Variants in CXCL12 observed in about 807,000 individuals in gnomAD.
The protein encoded by CXCL12 is C-X-C motif chemokine ligand 12, also known as stromal cell-derived factor 1.
In CXCL12, 4 loss-of-function variants were observed where a neutral mutation model predicts 10.7. The observed-to-expected ratio is 0.37, with a 90% CI of 0.18 to 0.86. The LOEUF is 0.86. CXCL12 is among the 40% of genes least tolerant of loss of function. CXCL12 has a pLI of 0.43. For synonymous variants in CXCL12, 54 were observed against 45.4 expected, an observed-to-expected ratio of 1.19 and a Z score of -0.77; for missense variants, 122 against 110.4, an observed-to-expected ratio of 1.10 and a Z score of -0.47.
chr10:44,378,608 G>C lies in CXCL12; in HGVS notation c.*25C>G. 6.2e-7 allele frequency: 1 copy of C among 1,613,914 alleles called. No homozygotes were observed. Among genetic ancestry groups the C allele is most frequent in the Admixed American group, 1.7e-5 (1 of 60,004 alleles). ...TTAGTTTTCCTCGAGTGGGTCTAGC[G>C]GAAAGTCCTTTTTGGCTGTTGTGCT... is the stretch of plus-strand genomic sequence containing the variant. On this transcript the variant is annotated 3_prime_UTR_variant, in exon 3 of 3. Transcript: ENST00000343575.
chr10:44,378,540 G>GA lies in CXCL12; in HGVS notation c.*92_*93insT. 6.3e-7 allele frequency: 1 copy of GA among 1,580,602 alleles called. No individual in the cohort carries two copies. The highest frequency in any genetic ancestry group is 1.1e-5 in the South Asian group (1 of 87,796). ...CACACACCTGGTCCTCATGGTTAAG[G>GA]CCCCCTCCCCCACGTCTTTGCCCTT... On this transcript the variant is annotated 3_prime_UTR_variant, in exon 3 of 3. Coordinates refer to ENST00000343575, the MANE Select transcript of CXCL12 (RefSeq NM_199168.4).
In CXCL12 at chr10:44,377,856, C is replaced by G. The variant is rs751125049; in HGVS notation, c.*777G>C. Reference sequence around the variant, plus strand: ...GCCCTGGGAGGAGAGGGATGCAGGGCACGAGCCCCAGCAATCACCCTCTTC... The same window carrying G: ...GCCCTGGGAGGAGAGGGATGCAGGGGACGAGCCCCAGCAATCACCCTCTTC... On this transcript the variant is annotated 3_prime_UTR_variant, in exon 3 of 3. Transcript: ENST00000343575. The G allele has an allele frequency of 6.3e-7, 1 of 1,587,408 alleles. No individual in the cohort carries two copies. Among genetic ancestry groups the G allele is most frequent in the Admixed American group, 1.7e-5 (1 of 58,238 alleles).
chr10:44,381,160 C>T (rs1839621057), intron 1 of CXCL12, among the ~76,000 whole-genome samples: 1 of 152,180 alleles, frequency 6.6e-6, no homozygotes, highest in South Asian at 2.1e-4. Flanking sequence ...GCCACCTGCT[C>T]AGTGTCTCAA....
downstream of CXCL12, chr10:44,376,005 T>A (rs1484102506): frequency 1.9e-6 from 3 of 1,613,828 alleles, no homozygotes; most frequent in Non-Finnish European, 2.5e-6. Flanking sequence ...TCTTTTCTTT[T>A]TTCCCCACTT....
downstream of CXCL12, chr10:44,376,932 T>TAA: frequency 6.3e-6 from 1 of 157,918 alleles, no homozygotes; most frequent in Non-Finnish European, 1.2e-5. Flanking sequence ...AAAAAAAAGA[T>TAA]CCAAAAACTT....
At position 44,378,634 on chromosome 10, in the gene CXCL12, T is replaced by G; in HGVS notation, c.269A>C (p.Ter90SerextTer10). 1 of 1,614,200 alleles carries G rather than the reference T, an allele frequency of 6.2e-7. No individual in the cohort carries two copies. The highest frequency in any genetic ancestry group is 1.1e-5 in the South Asian group (1 of 91,072). The change falls in exon 3 of 3, where the codon TAA (stop) becomes TCA (serine). Residue 90 changes from the stop codon to serine (S), a stop_lost. Transcript: ENST00000343575. ...QEYLEKALNK[*>S] ...GAAAGTCCTTTTTGGCTGTTGTGCT[T>G]ACTTGTTTAAAGCTTTCTCCAGGTA... is the stretch of plus-strand genomic sequence containing the variant.
At chr10:44,373,291 G>A, downstream of CXCL12, 18 of 1,599,700 alleles carry the variant, frequency 1.1e-5, no homozygotes, top group Non-Finnish European at 1.5e-5. Context: ...TCAGAGCTGG[G>A]CTCCTACTGT....
At position 44,377,111 on chromosome 10, in the gene CXCL12, C is replaced by T; in HGVS notation, c.*1522G>A. The T allele has an allele frequency of 1.0e-6, 1 of 985,560 alleles. No individual in the cohort carries two copies. The highest frequency in any genetic ancestry group is 4.7e-5 in the South Asian group (1 of 21,296). 61.1% of individuals were successfully genotyped at this position (985,560 alleles called of 1,614,324 possible). ...GAATTTTATTTCAGGTAAATAAATT[C>T]CCACATACAGTAGGACGTTTATACC... is the stretch of plus-strand genomic sequence containing the variant. On this transcript the variant is annotated 3_prime_UTR_variant, in exon 3 of 3. Coordinates refer to ENST00000343575, the MANE Select transcript of CXCL12 (RefSeq NM_199168.4).
downstream of CXCL12, chr10:44,375,817 T>TC: frequency 6.6e-7 from 1 of 1,525,590 alleles, no homozygotes; most frequent in Non-Finnish European, 8.8e-7. Context: ...AAAGCACTGC[T>TC]CCCCCACGGA....
At chr10:44,372,601 T>C, downstream of CXCL12, 1 of 1,272,496 alleles carries the variant, frequency 7.9e-7, no homozygotes, top group Non-Finnish European at 1.0e-6. Context: ...GTGCACAGTT[T>C]ACATGAAAGC....
At chr10:44,372,624 A>T, downstream of CXCL12, 1 of 1,335,246 alleles carries the variant, frequency 7.5e-7, no homozygotes, top group Non-Finnish European at 9.6e-7. Context: ...TGGTCCTGAG[A>T]GTCCTTTTGC....
At chr10:44,383,976 C>T (rs979496652) in intron 1 of CXCL12, among the ~76,000 whole-genome samples, 4 of 152,204 alleles carry the variant, frequency 2.6e-5, no homozygotes, top group African/African-American at 9.7e-5. Context: ...TCAGAGGCAA[C>T]AGTTTATTTT....
chr10:44,385,013 G>T lies in CXCL12; in HGVS notation c.-8C>A. 7.0e-7 allele frequency: 1 copy of T among 1,429,208 alleles called. No homozygotes were observed. Among genetic ancestry groups the T allele is most frequent in the Non-Finnish European group, 9.2e-7 (1 of 1,087,992 alleles). 88.5% of individuals were successfully genotyped at this position (1,429,208 alleles called of 1,614,324 possible). On this transcript the variant is annotated 5_prime_UTR_variant, in exon 1 of 3. Coordinates refer to ENST00000343575, the MANE Select transcript of CXCL12 (RefSeq NM_199168.4). Reference sequence around the variant, plus strand: ...CACGACCTTGGCGTTCATGGCGCGGGCGGGCGGGCGGGCGGGCGGACGAGC... The same window carrying T: ...CACGACCTTGGCGTTCATGGCGCGGTCGGGCGGGCGGGCGGGCGGACGAGC...
Position 44,378,551 on chromosome 10 carries a change from C to A in CXCL12, c.*82G>T, listed in dbSNP as rs546037443. On this transcript the variant is annotated 3_prime_UTR_variant, in exon 3 of 3. Coordinates refer to ENST00000343575, the MANE Select transcript of CXCL12 (RefSeq NM_199168.4). ...TCCTCATGGTTAAGGCCCCCTCCCC[C>A]ACGTCTTTGCCCTTTCATCTCTCAC... 9.3e-6 allele frequency: 15 copies of A among 1,604,548 alleles called. No homozygotes were observed. Among genetic ancestry groups the A allele is most frequent in the African/African-American group, 2.7e-5 (2 of 74,834 alleles).
Position 44,384,883 on chromosome 10 carries a change from C to G in CXCL12, c.61+62G>C. On this transcript the variant is annotated intron_variant, in intron 1 of 2. Coordinates refer to ENST00000343575, the MANE Select transcript of CXCL12 (RefSeq NM_199168.4). ...GGGCGCAGGCAGAGGAGCCGCGGCT[C>G]TGCGCCGGGCGGGAGCCGAAGCCCA... The G allele has an allele frequency of 2.0e-6, 3 of 1,488,232 alleles. No individual in the cohort carries two copies. The African/African-American group carries it at 4.3e-5, about 22-fold the overall frequency. 92.2% of individuals were successfully genotyped at this position (1,488,232 alleles called of 1,614,324 possible). A position where few individuals can be genotyped will look rare whatever the true frequency, so the allele number is the denominator to read the frequency against.
rs774462509 is a variant in CXCL12, at chr10:44,384,964, G to C, written c.42C>G (p.Thr14=). ...KVVVVLVLVL[T]ALCLSDGKPV... ...ACTTACCGTCGCTGAGGCAGAGCGCGGTCAGCACGAGGACCAGCACGACCA... is the reference window on the plus strand; with the variant it reads ...ACTTACCGTCGCTGAGGCAGAGCGCCGTCAGCACGAGGACCAGCACGACCA... The change falls in exon 1 of 3, where the codon ACC becomes ACG. Residue 14 remains threonine (T), a synonymous_variant. Coordinates refer to ENST00000343575, the MANE Select transcript of CXCL12 (RefSeq NM_199168.4). 7.7e-6 allele frequency: 12 copies of C among 1,549,982 alleles called. No individual in the cohort carries two copies. The highest frequency in any genetic ancestry group is 1.4e-5 in the African/African-American group (1 of 70,782).
Position 44,377,634 on chromosome 10 carries a change from C to A in CXCL12, c.*999G>T. ...TCAGAGTTTGTTAGTGCCTCCATGG[C>A]ATACATAGGCTTCAGAGGCAATCAC... On this transcript the variant is annotated 3_prime_UTR_variant, in exon 3 of 3. Coordinates refer to ENST00000343575, the MANE Select transcript of CXCL12 (RefSeq NM_199168.4). The A allele has an allele frequency of 1.3e-6, 2 of 1,537,986 alleles. No individual in the cohort carries two copies. The highest frequency in any genetic ancestry group is 4.8e-5 in the East Asian group (2 of 41,494).
chr10:44,382,761 C>T (rs946600365), intron 1 of CXCL12, among the ~76,000 whole-genome samples: 2 of 152,172 alleles, frequency 1.3e-5, no homozygotes, highest in Non-Finnish European at 2.9e-5. Flanking sequence ...ACCTAAGGCC[C>T]GCCTGTCAAG....
downstream of CXCL12, chr10:44,374,257 G>A (rs1218436113): frequency 5.5e-6 from 2 of 364,180 alleles, no homozygotes; most frequent in Non-Finnish European, 1.1e-5. Context: ...TACTGACCAG[G>A]ACAGACTGGC....
Sources: allele counts gnomAD v4.1 joint callset (sites outside exome capture counted in the v4.1 genomes callset), GRCh38; gene constraint gnomAD v4.1.1; transcripts MANE v1.5; gene names NCBI Gene and HGNC (gene_info 2026-07-23, HGNC 2026-07-21).